The following SLC5A8 variants were observed in gnomAD, a reference collection of about 807,000 sequenced individuals.
SLC5A8 encodes solute carrier family 5 member 8.
A neutral mutation model predicts 71.9 loss-of-function variants in SLC5A8; 55 were observed. The ratio of observed to expected loss-of-function variants is 0.77; its 90% confidence interval spans 0.62 to 0.96. The LOEUF (loss-of-function observed/expected upper bound fraction) is 0.96. SLC5A8 is among the 40% of genes least tolerant of loss of function. The pLI is 0.00. For synonymous variants in SLC5A8, 307 were observed against 276.1 expected (o/e 1.11, Z -1.11); for missense variants, 701 against 745.3 (o/e 0.94, Z 0.69).
intron 1 of SLC5A8, among the ~76,000 whole-genome samples, chr12:101,207,178 G>T (rs1593387680): frequency 1.3e-5 from 2 of 152,324 alleles, no homozygotes; most frequent in African/African-American, 4.8e-5. Context: ...CCTGCAGTGT[G>T]CCCACAACTT....
At chr12:101,186,115 C>A (rs1868634008) in intron 7 of SLC5A8, among the ~76,000 whole-genome samples, 1 of 142,896 alleles carries the variant, frequency 7.0e-6, no homozygotes. Context: ...AGGGTAAAGG[C>A]AAAGTATATT....
intron 4 of SLC5A8, 115 bp downstream of exon 4, chr12:101,194,980 G>A: frequency 1.1e-6 from 1 of 914,568 alleles, no homozygotes; most frequent in Non-Finnish European, 1.7e-6. Context: ...ACTGCAGGAG[G>A]TTGGGAATAG....
chr12:101,163,113 C>T (rs1380055022), intron 12 of SLC5A8, among the ~76,000 whole-genome samples: 1 of 152,112 alleles, frequency 6.6e-6, no homozygotes, highest in Non-Finnish European at 1.5e-5. Flanking sequence ...GTGAGCAAGA[C>T]AGTGATTACA....
intron 3 of SLC5A8, among the ~76,000 whole-genome samples, chr12:101,200,784 T>A (rs10860697): frequency 0.19 from 28,481 of 151,984 alleles, 2,787 homozygotes; most frequent in Admixed American, 0.22. Flanking sequence ...TAACATAGAG[T>A]GATGAATGAG....
At chr12:101,167,369 A>G (rs1301486193) in intron 11 of SLC5A8, among the ~76,000 whole-genome samples, 4 of 152,244 alleles carry the variant, frequency 2.6e-5, no homozygotes, top group Non-Finnish European at 4.4e-5. Context: ...GGAAAATAGA[A>G]TTCCAAATGT....
At chr12:101,167,105 G>A (rs892028617) in intron 11 of SLC5A8, among the ~76,000 whole-genome samples, 12 of 152,104 alleles carry the variant, frequency 7.9e-5, no homozygotes, top group Non-Finnish European at 1.5e-4. Context: ...GGAAATACAC[G>A]CTGGCAACAA....
At chr12:101,194,931 A>C (rs993336799) in intron 4 of SLC5A8, among the ~76,000 whole-genome samples, 164 bp downstream of exon 4, 1 of 152,234 alleles carries the variant, frequency 6.6e-6, no homozygotes, top group African/African-American at 2.4e-5. Context: ...CAAAGGATCA[A>C]ATTATACTAC....
intron 1 of SLC5A8, among the ~76,000 whole-genome samples, chr12:101,206,185 G>A (rs779174799): frequency 1.3e-5 from 2 of 152,120 alleles, no homozygotes; most frequent in Non-Finnish European, 2.9e-5. Context: ...CAAATCAATG[G>A]GCCTGGAGAA....
intron 13 of SLC5A8, among the ~76,000 whole-genome samples, chr12:101,159,470 CAA>C (rs1467439228): frequency 2.0e-5 from 3 of 152,170 alleles, no homozygotes; most frequent in Admixed American, 2.0e-4. Flanking sequence ...AAACGCCAAC[CAA>C]GTCTGTAAGG....
intron 6 of SLC5A8, 108 bp from the exon 7 acceptor site, chr12:101,187,623 T>C: frequency 1.7e-6 from 2 of 1,169,834 alleles, no homozygotes; most frequent in East Asian, 5.4e-5. Context: ...ACTCAATAAA[T>C]GTACATTATC....
At chr12:101,189,178 CA>C (rs1397851616) in intron 6 of SLC5A8, among the ~76,000 whole-genome samples, 1 of 152,178 alleles carries the variant, frequency 6.6e-6, no homozygotes, top group Middle Eastern at 3.2e-3. Context: ...AGCTTGTCCA[CA>C]ATTACTCTGG....
chr12:101,182,234 C>A (rs1566314492), intron 9 of SLC5A8, among the ~76,000 whole-genome samples: 1 of 152,148 alleles, frequency 6.6e-6, no homozygotes, highest in African/African-American at 2.4e-5. Flanking sequence ...ACAGAACAGA[C>A]AACTAAGACG....
At chr12:101,200,290 A>G (rs971851661) in intron 3 of SLC5A8, among the ~76,000 whole-genome samples, 10 of 152,132 alleles carry the variant, frequency 6.6e-5, no homozygotes, top group Admixed American at 6.6e-4. Context: ...AATAGTCTAT[A>G]TCTTGAGCGG....
intron 12 of SLC5A8, among the ~76,000 whole-genome samples, chr12:101,163,960 A>C (rs935094742): frequency 1.1e-4 from 17 of 152,232 alleles, no homozygotes; most frequent in Admixed American, 1.1e-3. Flanking sequence ...ACAGAAATCA[A>C]TTCCAAAGTG....
intron 13 of SLC5A8, among the ~76,000 whole-genome samples, chr12:101,161,364 G>A (rs184431340): frequency 6.6e-6 from 1 of 152,134 alleles, no homozygotes. Flanking sequence ...CATAGAATGA[G>A]GACAAAATGG....
At chr12:101,200,009 CAAAAAAAAAAAAAAAAAAAAAA>C (rs1182463470) in intron 3 of SLC5A8, among the ~76,000 whole-genome samples, 2 of 9,640 alleles carry the variant, frequency 2.1e-4, no homozygotes, top group Admixed American at 1.4e-3. Flanking sequence ...GTACTACCAG[CAAAAAAAAAAAAAAAAAAAAAA>C]AAAAAAAAAA....
chr12:101,202,823 G>A (rs1404705206), intron 2 of SLC5A8, among the ~76,000 whole-genome samples: 4 of 152,012 alleles, frequency 2.6e-5, no homozygotes, highest in East Asian at 3.9e-4. Context: ...AGATAAATAC[G>A]GTCTTTTTCT....
chr12:101,155,700 T>C lies in SLC5A8; in HGVS notation c.*1579A>G, dbSNP rs1263597463. On this transcript the variant is annotated 3_prime_UTR_variant, in exon 15 of 15. Coordinates refer to ENST00000536262, the MANE Select transcript of SLC5A8 (RefSeq NM_145913.5). The stretch of plus-strand genomic sequence containing the variant: ...TATTTTTGTAGAGATGAGGTCTAAC[T>C]ATGTTTCCAGGCTGGACTTAAACTC... 6.6e-6 allele frequency: 1 copy of C among 151,528 alleles called. No homozygotes were observed. Among genetic ancestry groups the C allele is most frequent in the Non-Finnish European group, 1.5e-5 (1 of 67,932 alleles). The allele number at this position is 151,528 out of a possible 1,614,324, so 9.4% of individuals were successfully genotyped here.
intron 9 of SLC5A8, among the ~76,000 whole-genome samples, chr12:101,180,299 T>TTG (rs1430543342): frequency 6.6e-6 from 1 of 152,208 alleles, no homozygotes; most frequent in Non-Finnish European, 1.5e-5. Context: ...AGCCCTTACA[T>TTG]TGTGTCCCAG....
Sources: allele counts gnomAD v4.1 joint callset (sites outside exome capture counted in the v4.1 genomes callset), GRCh38; gene constraint gnomAD v4.1.1; transcripts MANE v1.5; gene names NCBI Gene and HGNC (gene_info 2026-07-23, HGNC 2026-07-21).